Variants in SYNPR observed in about 807,000 individuals in gnomAD.
SYNPR encodes synaptoporin.
SYNPR carries 23 observed loss-of-function variants against 32.9 expected under a neutral mutation model. The observed-to-expected ratio is 0.70, with a 90% CI of 0.50 to 0.99. SYNPR has a LOEUF of 0.99. Among genes scored for constraint, SYNPR ranks in the 50% least tolerant of loss-of-function variants. The pLI is 0.00. For synonymous variants in SYNPR, 146 were observed against 135.9 expected, an observed-to-expected ratio of 1.07 and a Z score of -0.52; for missense variants, 318 against 349.3, an observed-to-expected ratio of 0.91 and a Z score of 0.71.
chr3:63,513,154 C>G (rs1486567133), intron 3 of SYNPR, among the ~76,000 whole-genome samples: 1 of 133,378 alleles, frequency 7.5e-6, no homozygotes, highest in Non-Finnish European at 1.6e-5. Context: ...ATATCCCCCC[C>G]TCCCCCCCAC....
chr3:63,490,131 T>A (rs996622128), intron 3 of SYNPR, among the ~76,000 whole-genome samples: 1 of 151,952 alleles, frequency 6.6e-6, no homozygotes, highest in African/African-American at 2.4e-5. Flanking sequence ...CCTGAAAGAA[T>A]TAGGAGAGGG....
At chr3:63,207,509 G>T in the SYNPR span, among the ~76,000 whole-genome samples, 6 of 152,224 alleles carry the variant, frequency 3.9e-5, no homozygotes, top group East Asian at 1.2e-3. Flanking sequence ...GTATTCATGA[G>T]TACATTTTAT....
At chr3:63,271,934 A>G (rs7647264) in intron 3 of SYNPR, among the ~76,000 whole-genome samples, 3,661 of 152,244 alleles carry the variant, frequency 0.024, 135 homozygotes, top group African/African-American at 0.082. Context: ...AAATTCCCAG[A>G]TCAACTGATG....
At chr3:63,223,806 G>A (rs1384974129), upstream of SYNPR, among the ~76,000 whole-genome samples, 2 of 152,054 alleles carry the variant, frequency 1.3e-5, no homozygotes, top group Non-Finnish European at 2.9e-5. Context: ...TTTCTATTGT[G>A]GTGTTTTGTG....
chr3:63,556,776 T>C, intron 4 of SYNPR, 35 bp downstream of exon 4: 2 of 1,557,508 alleles, frequency 1.3e-6, no homozygotes, highest in South Asian at 1.2e-5. Context: ...ACTTTTTCTG[T>C]TCCTTCTAAT....
chr3:63,375,382 T>C (rs756077687), intron 2 of SYNPR, among the ~76,000 whole-genome samples: 104 of 152,252 alleles, frequency 6.8e-4, no homozygotes, highest in Non-Finnish European at 1.4e-3. Context: ...CATGGAATAC[T>C]ATGCAGCCAC....
intron 2 of SYNPR, among the ~76,000 whole-genome samples, chr3:63,393,344 C>G (rs2088164660): frequency 6.6e-6 from 1 of 152,168 alleles, no homozygotes; most frequent in Admixed American, 6.5e-5. Context: ...TAGTGAATCA[C>G]AGAGTACATA....
intron 2 of SYNPR, among the ~76,000 whole-genome samples, chr3:63,373,242 A>G (rs2087843506): frequency 6.6e-6 from 1 of 152,208 alleles, no homozygotes; most frequent in African/African-American, 2.4e-5. Context: ...GGCTGAAATG[A>G]CAGAAATAGA....
intron 2 of SYNPR, among the ~76,000 whole-genome samples, chr3:63,387,635 G>A (rs763808646): frequency 1.8e-4 from 27 of 152,264 alleles, no homozygotes; most frequent in Non-Finnish European, 3.5e-4. Context: ...AAAGAATATA[G>A]GAACACTCAG....
At chr3:63,592,061 C>A (rs549657369) in intron 4 of SYNPR, among the ~76,000 whole-genome samples, 2 of 151,964 alleles carry the variant, frequency 1.3e-5, no homozygotes, top group South Asian at 2.1e-4. Flanking sequence ...GCCCTAAATC[C>A]AATGACAGGT....
At chr3:63,375,052 C>A (rs1228320152) in intron 2 of SYNPR, among the ~76,000 whole-genome samples, 1 of 152,088 alleles carries the variant, frequency 6.6e-6, no homozygotes, top group African/African-American at 2.4e-5. Flanking sequence ...GAATAGCGAT[C>A]ATTAAAAAGT....
intron 2 of SYNPR, among the ~76,000 whole-genome samples, chr3:63,258,104 T>G (rs181294756): frequency 9.9e-5 from 15 of 152,128 alleles, no homozygotes; most frequent in Non-Finnish European, 1.9e-4. Flanking sequence ...AGACTTAGAC[T>G]CCCACACAAT....
intron 4 of SYNPR, among the ~76,000 whole-genome samples, chr3:63,576,501 G>A (rs551785149): frequency 6.6e-5 from 10 of 152,110 alleles, no homozygotes; most frequent in East Asian, 5.8e-4. Flanking sequence ...TAGAAAACAC[G>A]TTATCTGGGG....
At chr3:63,547,467 A>G (rs1453422150) in intron 3 of SYNPR, among the ~76,000 whole-genome samples, 1 of 152,120 alleles carries the variant, frequency 6.6e-6, no homozygotes, top group Non-Finnish European at 1.5e-5. Context: ...TTTTGAGGAC[A>G]GCGTAATGTG....
intron 2 of SYNPR, among the ~76,000 whole-genome samples, chr3:63,396,779 C>A (rs1463165361): frequency 6.6e-6 from 1 of 152,090 alleles, no homozygotes; most frequent in East Asian, 1.9e-4. Context: ...GAGTACTAGA[C>A]AGAATAAGAG....
intron 2 of SYNPR, among the ~76,000 whole-genome samples, chr3:63,363,347 T>C (rs981609781): frequency 2.6e-5 from 4 of 152,202 alleles, no homozygotes; most frequent in Non-Finnish European, 5.9e-5. Context: ...TCTTGCATGT[T>C]AAAACCACCT....
chr3:63,429,253 T>C (rs1699943601), intron 2 of SYNPR, among the ~76,000 whole-genome samples: 1 of 152,198 alleles, frequency 6.6e-6, no homozygotes, highest in South Asian at 2.1e-4. Flanking sequence ...GTATCAATAA[T>C]TTGCATATCA....
Position 63,286,011 on chromosome 3 carries a change from T to C in SYNPR, c.84+7269T>C, listed in dbSNP as rs557272615. ...ATTCATCAAAGGATAATTTAGGAAA[T>C]TACAGATAACTTTTTGCAAGTTAAA... On this transcript the variant is annotated intron_variant, in intron 2 of 5. Transcript: ENST00000478300. Among the ~76,000 whole-genome samples the C allele has an allele frequency of 2.6e-5, 4 of 152,252 alleles. No homozygotes were observed. In the South Asian group the frequency reaches 8.3e-4, roughly 32 times the overall value.
intron 2 of SYNPR, among the ~76,000 whole-genome samples, chr3:63,400,269 A>G (rs1303394407): frequency 1.3e-5 from 2 of 152,218 alleles, no homozygotes; most frequent in Non-Finnish European, 2.9e-5. Context: ...AAGACATAAA[A>G]CAGCAATAGA....
Sources: gnomAD v4.1 joint callset for allele counts (sites outside exome capture counted in the v4.1 genomes callset) on GRCh38, gnomAD v4.1.1 for gene constraint, MANE v1.5 for transcripts, NCBI Gene and HGNC (gene_info 2026-07-23, HGNC 2026-07-21) for gene names.